Variants in SOS2 observed in about 807,000 individuals in gnomAD.
SOS2 encodes SOS Ras/Rho guanine nucleotide exchange factor 2, also known as son of sevenless homolog 2.
SOS2 carries 65 observed loss-of-function variants against 148.2 expected under a neutral mutation model. The ratio of observed to expected loss-of-function variants is 0.44; its 90% confidence interval spans 0.36 to 0.54. SOS2 has a LOEUF of 0.54. Ranked by LOEUF, SOS2 falls within the 20% of genes least tolerant of loss-of-function variation. The pLI is 0.00. For missense variants in SOS2, 1,341 were observed against 1,590.2 expected (o/e 0.84, Z 2.67); for synonymous variants, 539 against 537.1 (o/e 1.00, Z -0.05).
chr14:50,178,404 C>G (rs938604337), intron 7 of SOS2, among the ~76,000 whole-genome samples: 5 of 152,062 alleles, frequency 3.3e-5, no homozygotes, highest in African/African-American at 4.8e-5. Flanking sequence ...TCCTGTAGAG[C>G]CTGTGGAACT....
At chr14:50,214,610 C>G (rs146928046) in intron 1 of SOS2, among the ~76,000 whole-genome samples, 56 of 151,924 alleles carry the variant, frequency 3.7e-4, no homozygotes, top group African/African-American at 1.3e-3. Context: ...CGAGGAGTTT[C>G]AGGCTTCCAA....
intron 1 of SOS2, among the ~76,000 whole-genome samples, chr14:50,209,197 C>T (rs536262296): frequency 9.3e-4 from 141 of 151,728 alleles, no homozygotes; most frequent in Admixed American, 2.2e-3. Context: ...ATTGGCTTTT[C>T]TGGGTCTGCA....
chr14:50,138,549 ATTT>A (rs35961944), intron 18 of SOS2, 60 bp downstream of exon 18: 14 of 599,708 alleles, frequency 2.3e-5, no homozygotes, highest in South Asian at 6.6e-5. Flanking sequence ...TATTCATTCT[ATTT>A]TTTTTTTTTG....
At chr14:50,216,287 G>A (rs548902972) in intron 1 of SOS2, among the ~76,000 whole-genome samples, 5 of 151,808 alleles carry the variant, frequency 3.3e-5, no homozygotes, top group Non-Finnish European at 7.4e-5. Flanking sequence ...AGTAGAGACA[G>A]GGTTTCATCA....
intron 1 of SOS2, among the ~76,000 whole-genome samples, chr14:50,211,718 A>G (rs1181529000): frequency 2.0e-5 from 3 of 152,062 alleles, no homozygotes; most frequent in African/African-American, 7.2e-5. Context: ...TTGTCCTCCC[A>G]AAGTGCTGGG....
intron 21 of SOS2, among the ~76,000 whole-genome samples, chr14:50,122,410 T>C (rs1883546639): frequency 6.7e-6 from 1 of 148,772 alleles, no homozygotes; most frequent in African/African-American, 2.5e-5. Context: ...TTTTTTTTTT[T>C]TTTGAGACGG....
At chr14:50,154,379 G>T (rs1884751357) in intron 12 of SOS2, among the ~76,000 whole-genome samples, 1 of 152,192 alleles carries the variant, frequency 6.6e-6, no homozygotes, top group Non-Finnish European at 1.5e-5. Context: ...AGAATATGAA[G>T]CAACTTGAAC....
At chr14:50,183,244 C>T (rs74048908) in intron 5 of SOS2, among the ~76,000 whole-genome samples, 3,476 of 152,182 alleles carry the variant, frequency 0.023, 138 homozygotes, top group African/African-American at 0.077. Context: ...GTTTAGTATG[C>T]ATTATTCCAG....
chr14:50,193,834 T>C (rs1428282881), intron 4 of SOS2, among the ~76,000 whole-genome samples: 1 of 152,004 alleles, frequency 6.6e-6, no homozygotes, highest in African/African-American at 2.4e-5. Context: ...AACCTCCGCC[T>C]CCCAGGTTCA....
Position 50,150,133 on chromosome 14 carries a change from T to C in SOS2, c.2259A>G (p.Glu753=), listed in dbSNP as rs1884614934. The C allele has an allele frequency of 2.5e-6, 4 of 1,613,446 alleles. No individual in the cohort carries two copies. Among genetic ancestry groups the C allele is most frequent in the Non-Finnish European group, 3.4e-6 (4 of 1,179,326 alleles). The change falls in exon 14 of 23, where the codon GAA becomes GAG. Residue 753 remains glutamate (E), a synonymous_variant. Coordinates refer to ENST00000216373, the MANE Select transcript of SOS2 (RefSeq NM_006939.4). The stretch of plus-strand genomic sequence containing the variant: ...GCCATTCAATTGGTGGAGGTGGACT[T>C]TCAAAGGTAATATTATGGCTTACTC... ...ANGVSHNITF[E]SPPPPIEWHI...
At chr14:50,154,545 T>C (rs1321656290) in intron 12 of SOS2, among the ~76,000 whole-genome samples, 1 of 152,196 alleles carries the variant, frequency 6.6e-6, no homozygotes, top group African/African-American at 2.4e-5. Flanking sequence ...ATAGCGGCTT[T>C]ATTCATAATA....
chr14:50,184,114 T>C (rs1267254201), intron 5 of SOS2, among the ~76,000 whole-genome samples: 1 of 152,190 alleles, frequency 6.6e-6, no homozygotes, highest in African/African-American at 2.4e-5. Context: ...TCTTACAGGA[T>C]TACTGTCATA....
intron 1 of SOS2, among the ~76,000 whole-genome samples, chr14:50,227,072 G>A (rs1164997559): frequency 1.3e-5 from 2 of 152,108 alleles, no homozygotes; most frequent in Non-Finnish European, 2.9e-5. Context: ...TTATCCATTA[G>A]TAGTGTCATT....
intron 1 of SOS2, among the ~76,000 whole-genome samples, chr14:50,220,405 C>CAAAAAAAAAAAAAAAAAAAAAAA (rs367829144): frequency 6.6e-5 from 2 of 30,442 alleles, no homozygotes; most frequent in East Asian, 1.4e-3. Flanking sequence ...GACTCCATCT[C>CAAAAAAAAAAAAAAAAAAAAAAA]AAAAAAAAAA....
In SOS2 at chr14:50,131,308, A is replaced by G. The variant is rs540418212; in HGVS notation, c.3076-546T>C. 6.6e-5 allele frequency among the ~76,000 whole-genome samples: 10 copies of G among 152,316 alleles called. No individual in the cohort carries two copies. In the East Asian group the frequency reaches 1.9e-3, roughly 29 times the overall value. On this transcript the variant is annotated intron_variant, in intron 19 of 22. Transcript: ENST00000216373. Reference sequence around the variant, plus strand: ...AAATAAAAAACACAGAACTCAGATCAGAAAACTTGAGTTAAGATCTCAACT... The same window carrying G: ...AAATAAAAAACACAGAACTCAGATCGGAAAACTTGAGTTAAGATCTCAACT...
Position 50,156,980 on chromosome 14 carries a change from A to AT in SOS2, c.2057+18_2057+19insA. The stretch of plus-strand genomic sequence containing the variant: ...ATATATGTGTATATATATATATATA[A>AT]AAAATATTCAAGCCAAACCTAAGTT... On this transcript the variant is annotated intron_variant, in intron 12 of 22. Coordinates refer to ENST00000216373, the MANE Select transcript of SOS2 (RefSeq NM_006939.4). 2 of 1,346,516 alleles carry AT rather than the reference A, an allele frequency of 1.5e-6. No individual in the cohort carries two copies. The highest frequency in any genetic ancestry group is 2.0e-6 in the Non-Finnish European group (2 of 978,034). 83.4% of individuals were successfully genotyped at this position (1,346,516 alleles called of 1,614,324 possible). A position where few individuals can be genotyped will look rare whatever the true frequency, so the allele number is the denominator to read the frequency against.
chr14:50,182,360 T>G, intron 6 of SOS2, 103 bp downstream of exon 6: 1 of 1,046,698 alleles, frequency 9.6e-7, no homozygotes, highest in South Asian at 1.4e-5. Context: ...ATTTTACTTT[T>G]TTATGGAAAC....
intron 5 of SOS2, among the ~76,000 whole-genome samples, chr14:50,186,216 G>C (rs549184608): frequency 3.9e-5 from 6 of 152,088 alleles, no homozygotes; most frequent in South Asian, 2.1e-4. Context: ...TAGATACAGA[G>C]ATAGATAAAA....
chr14:50,118,867 G>A lies in SOS2; in HGVS notation c.3490-14C>T, dbSNP rs200796041. 7 of 1,183,626 alleles carry A rather than the reference G, an allele frequency of 5.9e-6. No individual in the cohort carries two copies. In the African/African-American group the frequency reaches 6.3e-5, roughly 11 times the overall value. 73.3% of individuals were successfully genotyped at this position (1,183,626 alleles called of 1,614,324 possible). On this transcript the variant is annotated splice_polypyrimidine_tract_variant and intron_variant, in intron 22 of 22. Coordinates refer to ENST00000216373, the MANE Select transcript of SOS2 (RefSeq NM_006939.4). ...TTTCATATTTCCCTCAAAAAAAAAAGTAATTAAATTATACCTCTATTCTGA... is the reference window on the plus strand; with the variant it reads ...TTTCATATTTCCCTCAAAAAAAAAAATAATTAAATTATACCTCTATTCTGA...
Sources: allele counts gnomAD v4.1 joint callset (sites outside exome capture counted in the v4.1 genomes callset), GRCh38; gene constraint gnomAD v4.1.1; transcripts MANE v1.5; gene names NCBI Gene and HGNC (gene_info 2026-07-23, HGNC 2026-07-21).